The following ITPR1 variants were observed in gnomAD, a reference collection of about 807,000 sequenced individuals.
ITPR1 encodes inositol 1,4,5-trisphosphate receptor type 1, also known as inositol 1,4,5-trisphosphate-gated calcium channel ITPR1.
A neutral mutation model predicts 318.4 loss-of-function variants in ITPR1; 96 were observed. The observed-to-expected ratio is 0.30, with a 90% CI of 0.26 to 0.36. ITPR1 has a LOEUF of 0.36. ITPR1 is among the 10% of genes least tolerant of loss of function. The probability of loss-of-function intolerance (pLI) is 1.00; values close to 1 mark genes in which losing one functional copy is unlikely to be tolerated. For missense variants in ITPR1, 2,440 were observed against 3,460.2 expected, an observed-to-expected ratio of 0.71 and a Z score of 7.40; for synonymous variants, 1,312 against 1,289.9, an observed-to-expected ratio of 1.02 and a Z score of -0.37.
At chr3:4,686,242 C>T (rs1366709606) in intron 30 of ITPR1, among the ~76,000 whole-genome samples, 1 of 152,178 alleles carries the variant, frequency 6.6e-6, no homozygotes, top group Non-Finnish European at 1.5e-5. Context: ...TGCCTGTCGC[C>T]TTCTACTCCA....
At chr3:4,634,931 C>T (rs548859290) in intron 5 of ITPR1, among the ~76,000 whole-genome samples, 5 of 152,164 alleles carry the variant, frequency 3.3e-5, no homozygotes, top group African/African-American at 9.7e-5. Context: ...TTAGTAGAAA[C>T]GGGGTTTGGC....
intron 51 of ITPR1, among the ~76,000 whole-genome samples, chr3:4,784,899 A>C (rs1457101538): frequency 6.6e-6 from 1 of 152,126 alleles, no homozygotes; most frequent in Non-Finnish European, 1.5e-5. Context: ...GTCTCAAAAA[A>C]AAAAGAAAAA....
chr3:4,838,992 C>T (rs571688430), intron 61 of ITPR1, among the ~76,000 whole-genome samples: 1 of 152,292 alleles, frequency 6.6e-6, no homozygotes, highest in Admixed American at 6.5e-5. Context: ...ACCATTGAGC[C>T]TCATCAAAGG....
chr3:4,807,920 C>G (rs2048691963), intron 55 of ITPR1, among the ~76,000 whole-genome samples: 1 of 152,226 alleles, frequency 6.6e-6, no homozygotes, highest in Non-Finnish European at 1.5e-5. Flanking sequence ...CTCATCCCTG[C>G]CAAGGGCTCT....
intron 11 of ITPR1, among the ~76,000 whole-genome samples, chr3:4,653,104 G>A (rs2093633190): frequency 6.6e-6 from 1 of 152,170 alleles, no homozygotes; most frequent in Non-Finnish European, 1.5e-5. Context: ...TGTGTGACAT[G>A]TCGAGCTTTA....
At chr3:4,539,590 TTGAATGTCCCCTCCCAAAACTGAGG>T (rs2084222362) in intron 4 of ITPR1, among the ~76,000 whole-genome samples, 1 of 152,202 alleles carries the variant, frequency 6.6e-6, no homozygotes, top group Admixed American at 6.5e-5. Flanking sequence ...GTGCTATGGC[TTGAATGTCCCCTCCCAAAACTGAGG>T]TTGGAACTTG....
chr3:4,705,902 T>G (rs761142218), intron 36 of ITPR1, among the ~76,000 whole-genome samples: 1 of 152,158 alleles, frequency 6.6e-6, no homozygotes, highest in Non-Finnish European at 1.5e-5. Context: ...CCATTGAACT[T>G]TAACTCTGAC....
At chr3:4,532,169 T>C (rs908047094) in intron 4 of ITPR1, among the ~76,000 whole-genome samples, 4 of 152,182 alleles carry the variant, frequency 2.6e-5, no homozygotes, top group Non-Finnish European at 5.9e-5. Context: ...AAACCATGCC[T>C]GTCTCCCTAA....
chr3:4,681,641 G>GTGTA (rs1359940564), intron 26 of ITPR1, among the ~76,000 whole-genome samples: 4 of 151,832 alleles, frequency 2.6e-5, no homozygotes, highest in Admixed American at 2.6e-4. Context: ...GTGTGTGTGT[G>GTGTA]TGTGTGTGTG....
At chr3:4,503,466 T>A (rs956309933) in intron 2 of ITPR1, among the ~76,000 whole-genome samples, 3 of 152,190 alleles carry the variant, frequency 2.0e-5, no homozygotes, top group African/African-American at 7.2e-5. Context: ...AAACAAATGT[T>A]TGCAGAAGGC....
chr3:4,726,977 G>T, intron 41 of ITPR1, 149 bp from the exon 42 acceptor site: 1 of 620,044 alleles, frequency 1.6e-6, no homozygotes, highest in South Asian at 2.0e-5. Context: ...ATGGATATAC[G>T]GGGGAAAAAC....
chr3:4,693,493 G>A lies in ITPR1; in HGVS notation c.4033G>A (p.Val1345Ile), dbSNP rs747534466. 1.2e-5 allele frequency: 20 copies of A among 1,613,424 alleles called. No individual in the cohort carries two copies. The highest frequency in any genetic ancestry group is 1.7e-5 in the Non-Finnish European group (20 of 1,179,390). Residue 1345 changes from valine (V) to isoleucine (I), a missense_variant, in exon 33 of 62, where the codon GTC becomes ATC. This residue lies in a region of ITPR1 where 222 missense variants were observed against 318.8 expected (regional missense o/e 0.70). Transcript: ENST00000649015. ...KCQDMVMAEL[V>I]NSGEDVLVFY... Reference sequence around the variant, plus strand: ...ACCCACCCTGTTCTTTATGTAGCTGGTCAATTCGGGAGAGGATGTCCTCGT... The same window carrying A: ...ACCCACCCTGTTCTTTATGTAGCTGATCAATTCGGGAGAGGATGTCCTCGT...
At chr3:4,632,226 G>C (rs562798839) in intron 5 of ITPR1, among the ~76,000 whole-genome samples, 5 of 152,196 alleles carry the variant, frequency 3.3e-5, no homozygotes, top group African/African-American at 1.2e-4. Flanking sequence ...ATGCCCATAG[G>C]GGGCTATCTT....
At chr3:4,762,305 G>A (rs1342028776) in intron 44 of ITPR1, among the ~76,000 whole-genome samples, 6 of 152,236 alleles carry the variant, frequency 3.9e-5, no homozygotes, top group African/African-American at 1.2e-4. Context: ...CAGTCAGTGA[G>A]TGTTAGCTAT....
At chr3:4,714,149 G>C (rs929143870) in intron 39 of ITPR1, among the ~76,000 whole-genome samples, 8 of 152,114 alleles carry the variant, frequency 5.3e-5, no homozygotes, top group African/African-American at 1.9e-4. Context: ...TGGCTGCCCC[G>C]TTTGACTAAA....
rs747796080 is a variant in ITPR1 at position 4,710,612 on chromosome 3, A to T, written c.4991+139A>T. On this transcript the variant is annotated intron_variant, in intron 38 of 61. Coordinates refer to ENST00000649015, the MANE Select transcript of ITPR1 (RefSeq NM_001378452.1). This position sits in a 1 kb window ranked among gnomAD's most constrained non-coding sequence, Gnocchi z 4.2. The stretch of plus-strand genomic sequence containing the variant: ...GGTCATGTGCTAAAGTCCTGTTCTG[A>T]CCTCCCCAAAGTAAGTTTGTCTATT... The T allele has an allele frequency of 5.4e-6, 4 of 742,998 alleles. No individual in the cohort carries two copies. The highest frequency in any genetic ancestry group is 6.1e-6 in the Non-Finnish European group (3 of 488,688). The allele number at this position is 742,998 out of a possible 1,614,324, so 46.0% of individuals were successfully genotyped here.
intron 4 of ITPR1, among the ~76,000 whole-genome samples, chr3:4,524,300 CGTT>C (rs1358803973): frequency 3.3e-4 from 19 of 58,346 alleles, no homozygotes; most frequent in Admixed American, 1.3e-3. Context: ...CATACTTTGA[CGTT>C]TTTTTTTTTT....
chr3:4,778,382 C>T (rs763857370), intron 48 of ITPR1, among the ~76,000 whole-genome samples: 1 of 152,104 alleles, frequency 6.6e-6, no homozygotes, highest in Non-Finnish European at 1.5e-5. Context: ...CATGAAAGAG[C>T]CTAGAACTAC....
intron 4 of ITPR1, among the ~76,000 whole-genome samples, chr3:4,541,478 C>A (rs2084432674): frequency 6.6e-6 from 1 of 151,926 alleles, no homozygotes; most frequent in African/African-American, 2.4e-5. Context: ...TTAGAGGAAT[C>A]TCTGTCTTTG....
Sources: allele counts gnomAD v4.1 joint callset (sites outside exome capture counted in the v4.1 genomes callset), GRCh38; gene constraint gnomAD v4.1.1; regional missense constraint gnomAD v4.1.1; non-coding constraint Gnocchi (gnomAD v3.1); transcripts MANE v1.5; gene names NCBI Gene and HGNC (gene_info 2026-07-23, HGNC 2026-07-21).